The following KCNH7 variants were observed in gnomAD, a reference collection of about 807,000 sequenced individuals.
KCNH7 encodes voltage-gated inwardly rectifying potassium channel KCNH7.
KCNH7 carries 49 observed loss-of-function variants against 120.8 expected under a neutral mutation model. The ratio of observed to expected loss-of-function variants is 0.41; its 90% CI spans 0.32 to 0.51. The LOEUF (loss-of-function observed/expected upper bound fraction) is 0.51, where lower values mean the gene tolerates loss of function less well. KCNH7 is among the 20% of genes least tolerant of loss of function. The pLI is 0.38. For missense variants in KCNH7, 1,097 were observed against 1,446.6 expected, an observed-to-expected ratio of 0.76 and a Z score of 3.92; for synonymous variants, 547 against 516.1, an observed-to-expected ratio of 1.06 and a Z score of -0.81.
At position 162,371,987 on chromosome 2, in the gene KCNH7, T is replaced by G. The variant is rs1445716592; in HGVS notation, c.3433A>C (p.Lys1145Gln). The G allele has an allele frequency of 1.9e-6, 3 of 1,613,858 alleles. No homozygotes were observed. The highest frequency in any genetic ancestry group is 4.5e-5 in the East Asian group (2 of 44,838). The change falls in exon 16 of 16, where the codon AAA (lysine) becomes CAA (glutamine). Residue 1145 changes from lysine (K) to glutamine (Q), a missense_variant. Coordinates refer to ENST00000332142, the MANE Select transcript of KCNH7 (RefSeq NM_033272.4). ...ASEDNLTSLLKQDSDLSLELH... is the reference protein window; with the variant it reads ...ASEDNLTSLLQQDSDLSLELH... ...TCTAAAGAGAGATCACTGTCTTGTT[T>G]TAAAAGTGAAGTCAAGTTGTCTTCT...
chr2:162,616,677 G>A (rs1343785026), intron 2 of KCNH7, among the ~76,000 whole-genome samples: 1 of 152,144 alleles, frequency 6.6e-6, no homozygotes, highest in African/African-American at 2.4e-5. Context: ...TGGGTAGCAG[G>A]ATGAAAAACA....
In KCNH7 at chr2:162,754,871, C is replaced by T. The variant is rs147913913; in HGVS notation, c.307+81666G>A. On this transcript the variant is annotated intron_variant, in intron 2 of 15. Transcript: ENST00000332142. ...AGCAGCTCTTGTGGAGTGCTTAGAA[C>T]AAGAGTCACTTTGCAAGGAATTAAT... is the stretch of plus-strand genomic sequence containing the variant. Among the ~76,000 whole-genome samples the T allele has an allele frequency of 3.4e-3, 514 of 152,192 alleles. 1 individual carries two copies. The highest frequency in any genetic ancestry group is 0.01 in the Middle Eastern group (3 of 294).
At chr2:162,379,806 T>C (rs2105401948) in intron 14 of KCNH7, 47 bp downstream of exon 14, 3 of 1,580,778 alleles carry the variant, frequency 1.9e-6, no homozygotes, top group East Asian at 4.5e-5. Context: ...ACTGGACCCA[T>C]GTAAGGGGTT....
intron 2 of KCNH7, chr2:162,772,106 T>C (rs1175196233): frequency 6.6e-6 from 1 of 152,188 alleles, no homozygotes; most frequent in African/African-American, 2.4e-5. Context: ...CCAAACATTT[T>C]GTTATATAAG....
intron 2 of KCNH7, among the ~76,000 whole-genome samples, chr2:162,629,806 A>G (rs191889577): frequency 4.2e-4 from 64 of 152,212 alleles, no homozygotes; most frequent in African/African-American, 1.5e-3. Flanking sequence ...TGATTATCAA[A>G]TGTTTACCAT....
At chr2:162,448,007 C>G (rs1193591726) in intron 6 of KCNH7, among the ~76,000 whole-genome samples, 1 of 151,988 alleles carries the variant, frequency 6.6e-6, no homozygotes, top group African/African-American at 2.4e-5. Context: ...AAATTTGAAC[C>G]AGCCAGTTTA....
chr2:162,415,986 C>CT (rs1380968475), intron 9 of KCNH7, among the ~76,000 whole-genome samples: 10 of 152,214 alleles, frequency 6.6e-5, no homozygotes, highest in Admixed American at 5.9e-4. Context: ...CACCATGTAG[C>CT]TGTTTTCCTG....
chr2:162,802,056 C>T (rs932470247), intron 2 of KCNH7, among the ~76,000 whole-genome samples: 1 of 151,702 alleles, frequency 6.6e-6, no homozygotes, highest in Non-Finnish European at 1.5e-5. Flanking sequence ...GCCACAGATT[C>T]CTGGACCTTG....
At chr2:162,597,423 G>A (rs1274963211) in intron 2 of KCNH7, among the ~76,000 whole-genome samples, 3 of 152,030 alleles carry the variant, frequency 2.0e-5, no homozygotes, top group Admixed American at 1.3e-4. Context: ...TATGCTAAAG[G>A]AAATAAGCCA....
intron 9 of KCNH7, among the ~76,000 whole-genome samples, chr2:162,413,171 C>T (rs1282522069): frequency 6.6e-6 from 1 of 151,830 alleles, no homozygotes; most frequent in Non-Finnish European, 1.5e-5. Flanking sequence ...CTCTTGTCCC[C>T]CAGGGTGGAG....
intron 2 of KCNH7, among the ~76,000 whole-genome samples, chr2:162,562,075 G>T (rs1366812150): frequency 6.6e-6 from 1 of 152,142 alleles, no homozygotes; most frequent in Non-Finnish European, 1.5e-5. Context: ...TCGGGGGCTA[G>T]GGGACGGATA....
At chr2:162,606,670 G>C (rs991480156) in intron 2 of KCNH7, among the ~76,000 whole-genome samples, 1 of 152,076 alleles carries the variant, frequency 6.6e-6, no homozygotes, top group Non-Finnish European at 1.5e-5. Context: ...TGCCTACCAG[G>C]ATGAGCAAGA....
intron 2 of KCNH7, among the ~76,000 whole-genome samples, chr2:162,621,484 T>C (rs1207513763): frequency 5.3e-5 from 8 of 152,208 alleles, no homozygotes; most frequent in Admixed American, 5.2e-4. Flanking sequence ...TGTAATCCTA[T>C]AAGTACTTCT....
intron 2 of KCNH7, among the ~76,000 whole-genome samples, chr2:162,670,485 A>AG (rs1685310240): frequency 6.6e-6 from 1 of 150,896 alleles, no homozygotes; most frequent in Non-Finnish European, 1.5e-5. Flanking sequence ...AAAAAAAAAA[A>AG]AAAAAAAGAA....
chr2:162,727,823 A>T (rs1361521686), intron 2 of KCNH7, among the ~76,000 whole-genome samples: 1 of 152,198 alleles, frequency 6.6e-6, no homozygotes, highest in Non-Finnish European at 1.5e-5. Context: ...TGTTGAAACC[A>T]AGATCTATTT....
chr2:162,731,786 T>C (rs2105393007), intron 2 of KCNH7, among the ~76,000 whole-genome samples: 1 of 152,144 alleles, frequency 6.6e-6, no homozygotes, highest in African/African-American at 2.4e-5. Flanking sequence ...TTAGAGGGAG[T>C]ATATTTAAAA....
At chr2:162,737,754 C>T (rs1489083023) in intron 2 of KCNH7, among the ~76,000 whole-genome samples, 6 of 152,086 alleles carry the variant, frequency 3.9e-5, no homozygotes, top group African/African-American at 7.2e-5. Context: ...CAGGATGATA[C>T]AGCCTGGCAT....
chr2:162,636,405 C>T (rs1683965702), intron 2 of KCNH7, among the ~76,000 whole-genome samples: 3 of 152,192 alleles, frequency 2.0e-5, no homozygotes, highest in Middle Eastern at 3.4e-3. Context: ...AATGTCGTGT[C>T]GATTACTGCT....
chr2:162,573,373 A>G (rs554333044), intron 2 of KCNH7, among the ~76,000 whole-genome samples: 1 of 152,170 alleles, frequency 6.6e-6, no homozygotes, highest in African/African-American at 2.4e-5. Flanking sequence ...ACATTTCCTG[A>G]TGAAAGATAT....
Sources: allele counts gnomAD v4.1 joint callset (sites outside exome capture counted in the v4.1 genomes callset), GRCh38; gene constraint gnomAD v4.1.1; transcripts MANE v1.5; gene names NCBI Gene and HGNC (gene_info 2026-07-23, HGNC 2026-07-21).